SI: variants seen among roughly 807,000 people sequenced by gnomAD.
SI encodes sucrase-isomaltase, also known as sucrase-isomaltase, intestinal.
In SI, 235 loss-of-function variants were observed where a neutral mutation model predicts 253.3. The observed-to-expected ratio is 0.93, with a 90% CI of 0.83 to 1.03. SI has a LOEUF of 1.03. Ranked by LOEUF, SI falls within the 50% of genes least tolerant of loss-of-function variation. The probability of loss-of-function intolerance (pLI) is 0.00; values close to 1 mark genes in which losing one functional copy is unlikely to be tolerated. For missense variants in SI, 2,442 were observed against 2,211.1 expected (o/e 1.10, Z -2.09); for synonymous variants, 819 against 712.0 (o/e 1.15, Z -2.39).
intron 32 of SI, 25 bp from the exon 33 acceptor site, chr3:165,015,258 A>G: frequency 6.5e-7 from 1 of 1,533,972 alleles, no homozygotes. Context: ...AAATATAAAC[A>G]AGGTACACAT....
In SI at chr3:165,023,784, C is replaced by T. The variant is rs1323621534; in HGVS notation, c.2893-8G>A. The T allele has an allele frequency of 2.5e-6, 4 of 1,596,050 alleles. No homozygotes were observed. Among genetic ancestry groups the T allele is most frequent in the South Asian group, 2.2e-5 (2 of 90,724 alleles). On this transcript the variant is annotated splice_polypyrimidine_tract_variant and splice_region_variant and intron_variant, in intron 25 of 47. Transcript: ENST00000264382. ...TTTGGATAGAGAAGAACCCTAAAAA[C>T]ACAATGCATGTTCATTGCCAGAAAT...
chr3:165,063,527 T>A lies in SI; in HGVS notation c.822A>T (p.Leu274Phe), dbSNP rs771219913. 4.1e-6 allele frequency: 6 copies of A among 1,466,204 alleles called. No individual in the cohort carries two copies. In the African/African-American group the frequency reaches 8.3e-5, roughly 20 times the overall value. 90.8% of individuals were successfully genotyped at this position (1,466,204 alleles called of 1,614,324 possible). A position where few individuals can be genotyped will look rare whatever the true frequency, so the allele number is the denominator to read the frequency against. Residue 274 changes from leucine (L) to phenylalanine (F), a missense_variant, in exon 8 of 48, where the codon TTA becomes TTT. By Grantham distance (22) the Leu-to-Phe change is conservative. Transcript: ENST00000264382. ...DQLPGDNNNN[L>F]YGHQTFFMCI... ...ACATAAAGAATGTTTGATGGCCGTA[T>A]AAATTATTATTATTCTATAAGGCAA...
rs1717062661 is a variant in SI at position 164,979,246 on chromosome 3, T to C, written c.*116A>G. 2 of 740,990 alleles carry C rather than the reference T, an allele frequency of 2.7e-6. No homozygotes were observed. The highest frequency in any genetic ancestry group is 1.8e-5 in the Admixed American group (1 of 55,462). The allele number at this position is 740,990 out of a possible 1,614,324, so 45.9% of individuals were successfully genotyped here. On this transcript the variant is annotated 3_prime_UTR_variant, in exon 48 of 48. Transcript: ENST00000264382. ...ACGCTACAAAATAACTTTTCGATGT[T>C]ATGAAAGCTATATTTTGTAGAGTAC...
In SI at chr3:165,040,211, G is replaced by C. The variant is rs1364623156; in HGVS notation, c.2160-240C>G. 2.0e-4 allele frequency among the ~76,000 whole-genome samples: 30 copies of C among 150,410 alleles called. 1 individual carries two copies. Among genetic ancestry groups the C allele is most frequent in the Non-Finnish European group, 1.5e-5 (1 of 67,504 alleles). On this transcript the variant is annotated intron_variant, in intron 18 of 47. Coordinates refer to ENST00000264382, the MANE Select transcript of SI (RefSeq NM_001041.4). ...GAGTAGAAGAGGGAGAAAGGAAAAG[G>C]AAGAAATGAAGGAAAGAAGGAGGGG...
chr3:165,074,676 G>A lies in SI; in HGVS notation c.119-9C>T. On this transcript the variant is annotated splice_polypyrimidine_tract_variant and intron_variant, in intron 2 of 47. Coordinates refer to ENST00000264382, the MANE Select transcript of SI (RefSeq NM_001041.4). ...AGTAGAATCACTAATTTCTGGGGGA[G>A]GAAAAAACTCAATAAAATAAAACAT... 2 of 1,602,452 alleles carry A rather than the reference G, an allele frequency of 1.2e-6. No homozygotes were observed. The highest frequency in any genetic ancestry group is 8.5e-7 in the Non-Finnish European group (1 of 1,171,144).
At chr3:165,035,000 C>T (rs1290719740) in intron 22 of SI, among the ~76,000 whole-genome samples, 1 of 151,908 alleles carries the variant, frequency 6.6e-6, no homozygotes, top group Non-Finnish European at 1.5e-5. Flanking sequence ...CAAAGTAGAA[C>T]CAATGAAATC....
At chr3:165,039,220 AGGG>A in intron 19 of SI, 86 bp from the exon 20 acceptor site, 1 of 889,128 alleles carries the variant, frequency 1.1e-6, no homozygotes, top group African/African-American at 1.7e-5. Flanking sequence ...TTCATAGTCA[AGGG>A]AAAAAAACTT....
At position 165,015,175 on chromosome 3, in the gene SI, T is replaced by G. The variant is rs767517369; in HGVS notation, c.3947A>C (p.Gln1316Pro). Residue 1316 changes from glutamine (Q) to proline (P), a missense_variant, in exon 33 of 48, where the codon CAG becomes CCG. Gln to Pro is a moderately conservative substitution (Grantham distance 76). Coordinates refer to ENST00000264382, the MANE Select transcript of SI (RefSeq NM_001041.4). ...KTYPAFERGQ[Q>P]NDVFVKWPNT... Reference sequence around the variant, plus strand: ...TGGCCATTTGACAAAGACATCATTCTGCTGTCCTCTTTCAAATGCAGGGTA... The same window carrying G: ...TGGCCATTTGACAAAGACATCATTCGGCTGTCCTCTTTCAAATGCAGGGTA... 6.2e-7 allele frequency: 1 copy of G among 1,613,606 alleles called. No individual in the cohort carries two copies.
At chr3:165,013,566 A>G (rs1718873296) in intron 33 of SI, among the ~76,000 whole-genome samples, 1 of 152,090 alleles carries the variant, frequency 6.6e-6, no homozygotes, top group Non-Finnish European at 1.5e-5. Context: ...ATTGCCTACC[A>G]ACATTTTTTT....
chr3:165,090,162 AGAG>A, the SI span, among the ~76,000 whole-genome samples: 2 of 30,936 alleles, frequency 6.5e-5, no homozygotes, highest in Non-Finnish European at 1.4e-4. Flanking sequence ...AAAAAAAAAG[AGAG>A]AGAGAGAGAG....
intron 22 of SI, among the ~76,000 whole-genome samples, chr3:165,033,842 CTTTTTA>C (rs1182384802): frequency 6.6e-6 from 1 of 151,350 alleles, no homozygotes; most frequent in Non-Finnish European, 1.5e-5. Flanking sequence ...CATTTTGCAT[CTTTTTA>C]TTTTTTTCTA....
intron 38 of SI, 64 bp downstream of exon 38, chr3:164,998,475 AC>A: frequency 6.5e-7 from 1 of 1,531,182 alleles, no homozygotes; most frequent in South Asian, 1.1e-5. Context: ...ATGACCTAGC[AC>A]CAGCAAAAGT....
Position 165,067,368 on chromosome 3 carries a change from C to A in SI, c.607G>T (p.Val203Phe), listed in dbSNP as rs371937953. 3 of 1,610,930 alleles carry A rather than the reference C, an allele frequency of 1.9e-6. No homozygotes were observed. The highest frequency in any genetic ancestry group is 1.7e-6 in the Non-Finnish European group (2 of 1,178,026). The change falls in exon 6 of 48, where the codon GTT becomes TTT. Residue 203 changes from valine (V) to phenylalanine (F), a missense_variant. Transcript: ENST00000264382. The part of the protein sequence containing the change: ...KVAQNPFSIQ[V>F]IRKSNGKTLF... ...GTTTTACCGTTGCTTTTCCTAATAA[C>A]TTGGATGCTAAATGGGTTTTGGGCA...
At chr3:164,996,279 A>G (rs1718004599) in intron 40 of SI, among the ~76,000 whole-genome samples, 1 of 151,654 alleles carries the variant, frequency 6.6e-6, no homozygotes, top group South Asian at 2.1e-4. Context: ...ATTTTTCTGC[A>G]TTTCTTCACT....
intron 9 of SI, 75 bp from the exon 10 acceptor site, chr3:165,060,102 C>T (rs1713914257): frequency 3.1e-6 from 4 of 1,281,638 alleles, no homozygotes; most frequent in Non-Finnish European, 4.5e-6. Context: ...GGTTAATGTG[C>T]CTCTTATTTT....
chr3:165,018,674 T>C (rs531672116), intron 28 of SI, among the ~76,000 whole-genome samples: 37 of 151,510 alleles, frequency 2.4e-4, no homozygotes, highest in Non-Finnish European at 4.7e-4. Flanking sequence ...GAAATAGATT[T>C]TATAGTAATT....
intron 22 of SI, among the ~76,000 whole-genome samples, chr3:165,035,926 T>G (rs1228935400): frequency 1.3e-5 from 2 of 151,630 alleles, no homozygotes; most frequent in African/African-American, 2.4e-5. Context: ...TTAAAGATAA[T>G]AAGGAAAATA....
Position 165,060,025 on chromosome 3 carries a change from A to G in SI, c.1023T>C (p.Leu341=). 1 of 1,611,330 alleles carries G rather than the reference A, an allele frequency of 6.2e-7. No individual in the cohort carries two copies. The highest frequency in any genetic ancestry group is 8.5e-7 in the Non-Finnish European group (1 of 1,178,172). Residue 341 remains leucine, a splice_region_variant and synonymous_variant, in exon 10 of 48, where the codon CTT becomes CTC. Transcript: ENST00000264382. ...ATGCTGGCATTGCTGGTAGTCCAACAAGCTTAAAGTAAATGAGCATGTAAT... is the reference window on the plus strand; with the variant it reads ...ATGCTGGCATTGCTGGTAGTCCAACGAGCTTAAAGTAAATGAGCATGTAAT... ...PEQVVQQYQQ[L]VGLPAMPAYW... is the part of the protein sequence containing the mutation.
intron 38 of SI, among the ~76,000 whole-genome samples, chr3:164,998,270 T>G (rs112423037): frequency 3.9e-5 from 6 of 151,910 alleles, no homozygotes; most frequent in African/African-American, 1.2e-4. Flanking sequence ...ACCTTATCTT[T>G]GCCAGCTACT....
Sources: allele counts gnomAD v4.1 joint callset (sites outside exome capture counted in the v4.1 genomes callset), GRCh38; gene constraint gnomAD v4.1.1; transcripts MANE v1.5; gene names NCBI Gene and HGNC (gene_info 2026-07-23, HGNC 2026-07-21).